PIP4K2A: variants seen among roughly 807,000 people sequenced by gnomAD.
PIP4K2A encodes the protein phosphatidylinositol 5-phosphate 4-kinase type-2 alpha.
Under a neutral mutation model 42.9 loss-of-function variants are expected in PIP4K2A, and 14 were observed. The observed-to-expected ratio is 0.33, with a 90% CI of 0.22 to 0.51. The LOEUF is 0.51. Among genes scored for constraint, PIP4K2A ranks in the 20% least tolerant of loss-of-function variants. The probability of loss-of-function intolerance (pLI) is 0.97; values close to 1 mark genes in which losing one functional copy is unlikely to be tolerated. For synonymous variants in PIP4K2A, 192 were observed against 192.2 expected, an observed-to-expected ratio of 1.00 and a Z score of 0.01; for missense variants, 434 against 519.8, an observed-to-expected ratio of 0.83 and a Z score of 1.61.
intron 1 of PIP4K2A, among the ~76,000 whole-genome samples, chr10:22,642,911 C>A (rs951775160): frequency 4.6e-5 from 7 of 152,172 alleles, no homozygotes; most frequent in African/African-American, 1.4e-4. Context: ...ATGTAAACAT[C>A]TCTGATTACA....
At position 22,694,348 on chromosome 10, in the gene PIP4K2A, G is replaced by A. The variant is rs1588711544; in HGVS notation, c.144+19835C>T. Reference sequence around the variant, plus strand: ...ACATGCCACTTAAATAACTCAAGATGTGGCAGTGGGTCCCTCTGTCATCTG... The same window carrying A: ...ACATGCCACTTAAATAACTCAAGATATGGCAGTGGGTCCCTCTGTCATCTG... On this transcript the variant is annotated intron_variant, in intron 1 of 9. Coordinates refer to ENST00000376573, the MANE Select transcript of PIP4K2A (RefSeq NM_005028.5). 2 of 152,278 alleles carry A rather than the reference G, an allele frequency of 1.3e-5. 1 individual carries two copies. The highest frequency in any genetic ancestry group is 3.9e-4 in the East Asian group (2 of 5,190). 9.4% of individuals were successfully genotyped at this position (152,278 alleles called of 1,614,324 possible).
At chr10:22,696,803 T>C (rs1457156422) in intron 1 of PIP4K2A, among the ~76,000 whole-genome samples, 1 of 152,168 alleles carries the variant, frequency 6.6e-6, no homozygotes, top group African/African-American at 2.4e-5. Flanking sequence ...CCAAGTTAAA[T>C]ATATATTATC....
At chr10:22,660,045 G>T (rs1839172968) in intron 1 of PIP4K2A, among the ~76,000 whole-genome samples, 1 of 152,102 alleles carries the variant, frequency 6.6e-6, no homozygotes, top group Non-Finnish European at 1.5e-5. Context: ...CACAAACTTT[G>T]ATTGTTTCCA....
chr10:22,601,158 AAAAAAC>A (rs1365888884), intron 3 of PIP4K2A, among the ~76,000 whole-genome samples: 36 of 135,388 alleles, frequency 2.7e-4, no homozygotes, highest in South Asian at 7.0e-4. Context: ...AAAAAAAAAA[AAAAAAC>A]AAACCAGGAA....
chr10:22,638,699 T>C (rs1394093348), intron 1 of PIP4K2A, among the ~76,000 whole-genome samples: 1 of 152,226 alleles, frequency 6.6e-6, no homozygotes, highest in Non-Finnish European at 1.5e-5. Flanking sequence ...ATTGTTATTG[T>C]ATGTTTGATG....
chr10:22,644,551 C>G (rs1181112435), intron 1 of PIP4K2A, among the ~76,000 whole-genome samples: 2 of 152,190 alleles, frequency 1.3e-5, no homozygotes, highest in Non-Finnish European at 2.9e-5. Context: ...ACTTCCCAGT[C>G]TCTCACCTCA....
In PIP4K2A at chr10:22,550,084, T is replaced by G. The variant is rs1836366052; in HGVS notation, c.792+575A>C. On this transcript the variant is annotated intron_variant, in intron 7 of 9. Coordinates refer to ENST00000376573, the MANE Select transcript of PIP4K2A (RefSeq NM_005028.5). ...TGGACACTGTTCTATGTCTCTCCAC[T>G]GTCCCCTATGACCTAGTATCCCAAG... Among the ~76,000 whole-genome samples the G allele has an allele frequency of 7.2e-5, 11 of 152,136 alleles. No individual in the cohort carries two copies. The South Asian group carries it at 2.1e-3, about 29-fold the overall frequency.
chr10:22,659,370 G>A (rs12412415), intron 1 of PIP4K2A, among the ~76,000 whole-genome samples: 1,858 of 152,266 alleles, frequency 0.012, 86 homozygotes, highest in Admixed American at 0.088. Context: ...CAAGGTGGGC[G>A]GATCACCTGA....
chr10:22,622,917 C>CA (rs1169143749), intron 1 of PIP4K2A, among the ~76,000 whole-genome samples: 8 of 151,428 alleles, frequency 5.3e-5, no homozygotes, highest in African/African-American at 7.3e-5. Flanking sequence ...TGCATTATTT[C>CA]AAAAAAAAGA....
In PIP4K2A at chr10:22,565,838, G is replaced by GCC. The variant is rs35803145; in HGVS notation, c.678+2011_678+2012dup. On this transcript the variant is annotated intron_variant, in intron 6 of 9. Coordinates refer to ENST00000376573, the MANE Select transcript of PIP4K2A (RefSeq NM_005028.5). Reference sequence around the variant, plus strand: ...GCCTGGAGATACAGGCTTATAAACAGCCCCCCCAGGTGTGCCTGTCTCTTA... The same window carrying GCC: ...GCCTGGAGATACAGGCTTATAAACAGCCCCCCCCCAGGTGTGCCTGTCTCTTA... Among the ~76,000 whole-genome samples the GCC allele has an allele frequency of 8.5e-3, 1,289 of 151,750 alleles. 19 individuals carry two copies. Among genetic ancestry groups the GCC allele is most frequent in the African/African-American group, 0.017 (684 of 41,182 alleles).
chr10:22,646,937 A>C, intron 1 of PIP4K2A, among the ~76,000 whole-genome samples: 1 of 83,026 alleles, frequency 1.2e-5, no homozygotes, highest in South Asian at 3.9e-4. Flanking sequence ...AAAACAAAAA[A>C]CAAAACAAAA....
chr10:22,595,992 G>A (rs888413938), intron 3 of PIP4K2A, among the ~76,000 whole-genome samples: 2 of 151,930 alleles, frequency 1.3e-5, no homozygotes, highest in African/African-American at 4.8e-5. Flanking sequence ...GATCACCTGA[G>A]GCTGGGAGTT....
intron 5 of PIP4K2A, among the ~76,000 whole-genome samples, chr10:22,570,691 A>G (rs1349835251): frequency 6.6e-6 from 1 of 152,212 alleles, no homozygotes; most frequent in Non-Finnish European, 1.5e-5. Context: ...AGCCAAAACT[A>G]TTTTTATAAT....
intron 2 of PIP4K2A, 112 bp from the exon 3 acceptor site, chr10:22,608,135 A>G: frequency 3.1e-6 from 2 of 648,502 alleles, no homozygotes; most frequent in East Asian, 2.8e-5. Context: ...ACTGCCTACC[A>G]AAAGCACAGG....
At chr10:22,571,549 T>G (rs914144902) in intron 5 of PIP4K2A, among the ~76,000 whole-genome samples, 3 of 152,208 alleles carry the variant, frequency 2.0e-5, no homozygotes, top group African/African-American at 7.2e-5. Flanking sequence ...GTGTTCCAAA[T>G]GGCAAGTGCA....
chr10:22,690,527 T>C (rs1015129977), intron 1 of PIP4K2A, among the ~76,000 whole-genome samples: 1 of 152,180 alleles, frequency 6.6e-6, no homozygotes, highest in African/African-American at 2.4e-5. Flanking sequence ...CATCTCCTCT[T>C]GTGGAAGAGA....
intron 1 of PIP4K2A, among the ~76,000 whole-genome samples, chr10:22,635,125 G>C (rs1838635635): frequency 6.6e-6 from 1 of 152,046 alleles, no homozygotes; most frequent in African/African-American, 2.4e-5. Context: ...CAGATTTGGG[G>C]GGCAGTGACA....
chr10:22,596,799 C>T (rs1180678270), intron 3 of PIP4K2A, among the ~76,000 whole-genome samples: 3 of 152,224 alleles, frequency 2.0e-5, no homozygotes, highest in South Asian at 2.1e-4. Flanking sequence ...AAATGACTTG[C>T]CCAACTCAGT....
intron 1 of PIP4K2A, among the ~76,000 whole-genome samples, chr10:22,659,399 C>T (rs967011367): frequency 6.6e-6 from 1 of 152,162 alleles, no homozygotes; most frequent in African/African-American, 2.4e-5. Context: ...TTGAGACCGG[C>T]CTAGCCAATA....
Sources: allele counts gnomAD v4.1 joint callset (sites outside exome capture counted in the v4.1 genomes callset), GRCh38; gene constraint gnomAD v4.1.1; transcripts MANE v1.5; gene names NCBI Gene and HGNC (gene_info 2026-07-23, HGNC 2026-07-21).